Variants in EXOC5 observed in about 807,000 individuals in gnomAD.
EXOC5 encodes SEC10-like 1.
EXOC5 carries 17 observed loss-of-function variants against 90.8 expected under a neutral mutation model. The ratio of observed to expected loss-of-function variants is 0.19; its 90% CI spans 0.13 to 0.28. EXOC5 has a LOEUF of 0.28. Ranked by LOEUF, EXOC5 falls within the 10% of genes least tolerant of loss-of-function variation. EXOC5 has a pLI of 1.00. For synonymous variants in EXOC5, 260 were observed against 270.0 expected (o/e 0.96, Z 0.36); for missense variants, 569 against 830.6 (o/e 0.69, Z 3.87).
intron 7 of EXOC5, 129 bp from the exon 8 acceptor site, chr14:57,234,161 G>T: frequency 1.6e-6 from 1 of 632,080 alleles, no homozygotes; most frequent in Non-Finnish European, 2.7e-6. Context: ...ACACCTGTTG[G>T]ACTTAAATAA....
At chr14:57,265,405 G>A (rs1399512709) in intron 1 of EXOC5, among the ~76,000 whole-genome samples, 1 of 152,098 alleles carries the variant, frequency 6.6e-6, no homozygotes, top group African/African-American at 2.4e-5. Flanking sequence ...TACAATAAAA[G>A]GAGAGAGGAA....
chr14:57,259,783 A>C (rs1247755626), intron 1 of EXOC5, among the ~76,000 whole-genome samples: 2 of 152,214 alleles, frequency 1.3e-5, no homozygotes, highest in African/African-American at 4.8e-5. Context: ...CATTTTCATA[A>C]GTTTCACTCT....
chr14:57,265,178 A>T (rs901246584), intron 1 of EXOC5, among the ~76,000 whole-genome samples: 1 of 146,026 alleles, frequency 6.8e-6, no homozygotes, highest in Non-Finnish European at 1.5e-5. Flanking sequence ...TAATATTTCT[A>T]TGGCATGCCC....
At chr14:57,251,479 A>T (rs920384662) in intron 1 of EXOC5, among the ~76,000 whole-genome samples, 1 of 152,236 alleles carries the variant, frequency 6.6e-6, no homozygotes, top group Non-Finnish European at 1.5e-5. Context: ...ATTGTAAAAT[A>T]CTTATGAATG....
At chr14:57,236,539 G>A (rs1245740352) in intron 6 of EXOC5, among the ~76,000 whole-genome samples, 1 of 152,010 alleles carries the variant, frequency 6.6e-6, no homozygotes, top group Non-Finnish European at 1.5e-5. Context: ...ACCCGCCTCG[G>A]CCTCCCAAAG....
At chr14:57,229,698 A>C (rs1160368128) in intron 12 of EXOC5, 36 bp downstream of exon 12, 1 of 1,389,370 alleles carries the variant, frequency 7.2e-7, no homozygotes. Flanking sequence ...TCAAGGAACA[A>C]CTGTATATGT....
intron 12 of EXOC5, among the ~76,000 whole-genome samples, chr14:57,228,246 C>A (rs1240188435): frequency 1.3e-5 from 2 of 152,166 alleles, no homozygotes; most frequent in Non-Finnish European, 2.9e-5. Context: ...TGCTTCTACA[C>A]TGCTGGTGGG....
At chr14:57,246,630 C>A in intron 3 of EXOC5, 81 bp downstream of exon 3, 2 of 1,267,224 alleles carry the variant, frequency 1.6e-6, no homozygotes, top group Non-Finnish European at 2.2e-6. Flanking sequence ...TCTGACTAGA[C>A]TTTTTTAAGA....
At chr14:57,229,553 T>A (rs1883413875) in intron 12 of EXOC5, among the ~76,000 whole-genome samples, 181 bp downstream of exon 12, 2 of 152,192 alleles carry the variant, frequency 1.3e-5, no homozygotes, top group Admixed American at 6.5e-5. Context: ...TAATTATAAG[T>A]AATCTACAGA....
intron 3 of EXOC5, among the ~76,000 whole-genome samples, chr14:57,245,220 C>T (rs1207050099): frequency 1.3e-5 from 2 of 151,922 alleles, no homozygotes; most frequent in African/African-American, 4.8e-5. Context: ...GCAATGAATG[C>T]CTTGTAATTG....
At position 57,206,034 on chromosome 14, in the gene EXOC5, T is replaced by C; in HGVS notation, c.*2575A>G. 2 of 453,684 alleles carry C rather than the reference T, an allele frequency of 4.4e-6. No individual in the cohort carries two copies. The highest frequency in any genetic ancestry group is 3.1e-5 in the South Asian group (2 of 64,210). The allele number at this position is 453,684 out of a possible 1,614,324, so 28.1% of individuals were successfully genotyped here. ...CATAAGGTAGGCTTCCTTTATTAAATTCGTATTCTGTATTTCAGATATTTC... is the reference window on the plus strand; with the variant it reads ...CATAAGGTAGGCTTCCTTTATTAAACTCGTATTCTGTATTTCAGATATTTC... On this transcript the variant is annotated 3_prime_UTR_variant, in exon 18 of 18. Coordinates refer to ENST00000621441, the MANE Select transcript of EXOC5 (RefSeq NM_006544.4).
intron 1 of EXOC5, among the ~76,000 whole-genome samples, chr14:57,254,815 T>C (rs1884300914): frequency 6.6e-6 from 1 of 152,134 alleles, no homozygotes; most frequent in Non-Finnish European, 1.5e-5. Flanking sequence ...AGTGAGACGG[T>C]GGTGCCTACA....
chr14:57,205,342 T>G lies in EXOC5; in HGVS notation c.*3267A>C, dbSNP rs1210618062. ...ATACAGAAACTGAATATAGTTAAAC[T>G]AATTGAATGAAAGCACAAAATGCTT... On this transcript the variant is annotated 3_prime_UTR_variant, in exon 18 of 18. Coordinates refer to ENST00000621441, the MANE Select transcript of EXOC5 (RefSeq NM_006544.4). The G allele has an allele frequency of 6.5e-6, 1 of 153,710 alleles. No individual in the cohort carries two copies. The highest frequency in any genetic ancestry group is 1.4e-5 in the Non-Finnish European group (1 of 69,200). 9.5% of individuals were successfully genotyped at this position (153,710 alleles called of 1,614,324 possible).
At chr14:57,255,769 T>G (rs1217605439) in intron 1 of EXOC5, among the ~76,000 whole-genome samples, 1 of 151,332 alleles carries the variant, frequency 6.6e-6, no homozygotes, top group Non-Finnish European at 1.5e-5. Context: ...GAGGGAGAAG[T>G]TGCAGTGAGC....
intron 1 of EXOC5, among the ~76,000 whole-genome samples, chr14:57,261,361 A>G (rs1032399699): frequency 2.6e-5 from 4 of 152,220 alleles, no homozygotes; most frequent in African/African-American, 4.8e-5. Context: ...ACACATGTGC[A>G]GTCTATAATA....
At chr14:57,268,498 T>G in intron 1 of EXOC5, 124 bp downstream of exon 1, 1 of 1,523,930 alleles carries the variant, frequency 6.6e-7, no homozygotes, top group African/African-American at 1.4e-5. Flanking sequence ...CCAACCCTTC[T>G]GTTTCGCACC....
chr14:57,245,353 A>G (rs780662701), intron 3 of EXOC5, among the ~76,000 whole-genome samples: 3 of 152,198 alleles, frequency 2.0e-5, no homozygotes, highest in Non-Finnish European at 4.4e-5. Flanking sequence ...TGTTCTAAGC[A>G]TATTACATGT....
At chr14:57,240,169 A>G (rs544950214) in intron 4 of EXOC5, among the ~76,000 whole-genome samples, 37 of 152,050 alleles carry the variant, frequency 2.4e-4, no homozygotes, top group African/African-American at 7.7e-4. Flanking sequence ...AAGCCCCATG[A>G]TGAAATATAA....
intron 7 of EXOC5, 40 bp from the exon 8 acceptor site, chr14:57,234,072 TATA>T (rs777984069): frequency 5.1e-6 from 7 of 1,377,290 alleles, no homozygotes; most frequent in Non-Finnish European, 7.2e-6. Flanking sequence ...CTGATTCAAT[TATA>T]ATAATTATTA....
Sources: gnomAD v4.1 joint callset for allele counts (sites outside exome capture counted in the v4.1 genomes callset) on GRCh38, gnomAD v4.1.1 for gene constraint, MANE v1.5 for transcripts, NCBI Gene and HGNC (gene_info 2026-07-23, HGNC 2026-07-21) for gene names.